The following ROCK1 variants were observed in gnomAD, a reference collection of about 807,000 sequenced individuals.
The protein encoded by ROCK1 is Rho associated coiled-coil containing protein kinase 1.
ROCK1 carries 36 observed loss-of-function variants against 196.8 expected under a neutral mutation model. The ratio of observed to expected loss-of-function variants is 0.18; its 90% confidence interval spans 0.14 to 0.24. The LOEUF is 0.24. Among genes scored for constraint, ROCK1 ranks in the 10% least tolerant of loss-of-function variants. ROCK1 has a pLI of 1.00. For synonymous variants in ROCK1, 443 were observed against 515.9 expected (o/e 0.86, Z 1.91); for missense variants, 920 against 1,562.0 (o/e 0.59, Z 6.93).
At chr18:21,009,124 T>C (rs2035793508) in intron 13 of ROCK1, among the ~76,000 whole-genome samples, 1 of 151,964 alleles carries the variant, frequency 6.6e-6, no homozygotes, top group Non-Finnish European at 1.5e-5. Context: ...TTGAGAATGT[T>C]ATATAAATGG....
chr18:21,047,687 G>A (rs947396114), intron 4 of ROCK1, among the ~76,000 whole-genome samples: 28 of 151,898 alleles, frequency 1.8e-4, no homozygotes, highest in African/African-American at 6.3e-4. Context: ...CCAGCTACTC[G>A]GGAGGCTGAG....
chr18:21,012,823 G>T (rs2143448623), intron 13 of ROCK1, among the ~76,000 whole-genome samples: 1 of 151,918 alleles, frequency 6.6e-6, no homozygotes, highest in South Asian at 2.1e-4. Context: ...CTTTTTTTCT[G>T]ATCATTTTCT....
At chr18:20,962,336 A>G (rs2035335070) in intron 27 of ROCK1, among the ~76,000 whole-genome samples, 1 of 152,222 alleles carries the variant, frequency 6.6e-6, no homozygotes, top group African/African-American at 2.4e-5. Context: ...TAAGATGAAC[A>G]TTAGTGAGAA....
intron 16 of ROCK1, among the ~76,000 whole-genome samples, chr18:21,000,251 T>C (rs779672295): frequency 2.0e-4 from 31 of 151,316 alleles, no homozygotes; most frequent in Non-Finnish European, 4.1e-4. Context: ...ATGATATCTA[T>C]AGTCAATTGA....
intron 1 of ROCK1, among the ~76,000 whole-genome samples, chr18:21,106,703 C>G (rs1422088703): frequency 6.6e-6 from 1 of 152,122 alleles, no homozygotes; most frequent in African/African-American, 2.4e-5. Context: ...AGAATCTGAC[C>G]TACAGAAAAC....
At chr18:21,005,264 C>G (rs199978272) in intron 16 of ROCK1, among the ~76,000 whole-genome samples, 1 of 152,202 alleles carries the variant, frequency 6.6e-6, no homozygotes, top group East Asian at 1.9e-4. Flanking sequence ...CTTAGATTCA[C>G]AAAGACTGTC....
At chr18:21,070,495 T>C (rs2036374636) in intron 2 of ROCK1, 37 bp downstream of exon 2, 1 of 1,112,712 alleles carries the variant, frequency 9.0e-7, no homozygotes, top group Non-Finnish European at 1.3e-6. Flanking sequence ...TGTAGTTATA[T>C]GAAGTCTGTC....
intron 9 of ROCK1, among the ~76,000 whole-genome samples, chr18:21,034,670 T>C (rs115823762): frequency 0.013 from 2,012 of 152,278 alleles, 48 homozygotes; most frequent in African/African-American, 0.045. Context: ...GACCTAAACA[T>C]ACTAGCTGAA....
chr18:20,947,280 CTGTTAAT>C lies in ROCK1; in HGVS notation c.*4097_*4103del, dbSNP rs2035137823. On this transcript the variant is annotated 3_prime_UTR_variant, in exon 33 of 33. Coordinates refer to ENST00000399799, the MANE Select transcript of ROCK1 (RefSeq NM_005406.3). ...ATAATCCATTAGAAAACACAGCTAACTGTTAATAACAGTTATGAAGGAATTGGTGGGG... is the reference window on the plus strand; with the variant it reads ...ATAATCCATTAGAAAACACAGCTAACAACAGTTATGAAGGAATTGGTGGGG... 1 of 151,750 alleles carries C rather than the reference CTGTTAAT, an allele frequency of 6.6e-6. No individual in the cohort carries two copies. The highest frequency in any genetic ancestry group is 1.5e-5 in the Non-Finnish European group (1 of 67,952). The allele number at this position is 151,750 out of a possible 1,614,324, so 9.4% of individuals were successfully genotyped here.
intron 9 of ROCK1, among the ~76,000 whole-genome samples, chr18:21,032,758 G>C (rs1471210258): frequency 4.7e-5 from 7 of 150,470 alleles, no homozygotes; most frequent in Admixed American, 4.0e-4. Flanking sequence ...CTGGCCTCAA[G>C]TGATCCACCT....
At chr18:21,017,551 G>A (rs1007032951) in intron 12 of ROCK1, among the ~76,000 whole-genome samples, 1 of 152,140 alleles carries the variant, frequency 6.6e-6, no homozygotes, top group African/African-American at 2.4e-5. Flanking sequence ...TCCTTGTGGA[G>A]AGGGGCCATG....
At chr18:21,057,602 G>A (rs2036254515) in intron 2 of ROCK1, among the ~76,000 whole-genome samples, 1 of 152,120 alleles carries the variant, frequency 6.6e-6, no homozygotes, top group Admixed American at 6.6e-5. Flanking sequence ...CAGGCGGATT[G>A]CTTGAGGTCA....
intron 1 of ROCK1, among the ~76,000 whole-genome samples, chr18:21,072,523 G>A (rs1478422896): frequency 6.6e-6 from 1 of 152,094 alleles, no homozygotes; most frequent in African/African-American, 2.4e-5. Context: ...AGGAACCTTA[G>A]CTTTTATTCA....
intron 13 of ROCK1, among the ~76,000 whole-genome samples, chr18:21,009,568 C>T (rs1288866592): frequency 6.6e-6 from 1 of 151,962 alleles, no homozygotes; most frequent in Admixed American, 6.6e-5. Flanking sequence ...GAATACATGC[C>T]CAAGAATACA....
At chr18:20,998,557 A>T (rs1473650361) in intron 16 of ROCK1, among the ~76,000 whole-genome samples, 1 of 151,668 alleles carries the variant, frequency 6.6e-6, no homozygotes, top group African/African-American at 2.4e-5. Context: ...AGCAAATAAA[A>T]GCCCAGGACT....
Position 20,949,308 on chromosome 18 carries a change from T to A in ROCK1, c.*2076A>T, listed in dbSNP as rs2035159556. 6.6e-6 allele frequency: 1 copy of A among 152,100 alleles called. No individual in the cohort carries two copies. The highest frequency in any genetic ancestry group is 1.5e-5 in the Non-Finnish European group (1 of 68,018). The allele number at this position is 152,100 out of a possible 1,614,324, so 9.4% of individuals were successfully genotyped here. The stretch of plus-strand genomic sequence containing the variant: ...CCTGTTTGCATGCTGCCAGTCACAG[T>A]TTCATGGATCCTGACAAAAGAGATG... On this transcript the variant is annotated 3_prime_UTR_variant, in exon 33 of 33. Coordinates refer to ENST00000399799, the MANE Select transcript of ROCK1 (RefSeq NM_005406.3).
chr18:21,103,219 A>G (rs933990894), intron 1 of ROCK1, among the ~76,000 whole-genome samples: 1 of 152,176 alleles, frequency 6.6e-6, no homozygotes, highest in Non-Finnish European at 1.5e-5. Context: ...AACCCCTACA[A>G]TTATGAACGT....
At chr18:20,995,422 C>A (rs1490981511) in intron 16 of ROCK1, among the ~76,000 whole-genome samples, 2 of 152,138 alleles carry the variant, frequency 1.3e-5, no homozygotes, top group African/African-American at 2.4e-5. Context: ...TCATAAGAAC[C>A]AACAATCAGC....
intron 11 of ROCK1, among the ~76,000 whole-genome samples, chr18:21,021,534 A>G (rs1234328929): frequency 6.6e-6 from 1 of 152,192 alleles, no homozygotes; most frequent in Non-Finnish European, 1.5e-5. Context: ...GTCAGTGTCA[A>G]ATACAGCAAA....
Sources: gnomAD v4.1 joint callset for allele counts (sites outside exome capture counted in the v4.1 genomes callset) on GRCh38, gnomAD v4.1.1 for gene constraint, MANE v1.5 for transcripts, NCBI Gene and HGNC (gene_info 2026-07-23, HGNC 2026-07-21) for gene names.